RANBP17: variants seen among roughly 807,000 people sequenced by gnomAD.
RANBP17 encodes ran-binding protein 17.
RANBP17 carries 158 observed loss-of-function variants against 141.2 expected under a neutral mutation model. The ratio of observed to expected loss-of-function variants is 1.12; its 90% CI spans 0.98 to 1.28. The LOEUF (loss-of-function observed/expected upper bound fraction) is 1.28. RANBP17 is among the 50% of genes most tolerant of loss of function. RANBP17 has a pLI of 0.00. For missense variants in RANBP17, 1,438 were observed against 1,290.7 expected, an observed-to-expected ratio of 1.11 and a Z score of -1.75; for synonymous variants, 430 against 450.0, an observed-to-expected ratio of 0.96 and a Z score of 0.56.
intron 14 of RANBP17, among the ~76,000 whole-genome samples, chr5:171,099,440 G>A (rs746595130): frequency 4.6e-5 from 7 of 152,100 alleles, no homozygotes; most frequent in Non-Finnish European, 8.8e-5. Flanking sequence ...CGTGATTTTC[G>A]CACGTTGATT....
At chr5:170,919,167 A>G (rs1862239) in intron 10 of RANBP17, among the ~76,000 whole-genome samples, 92,780 of 151,632 alleles carry the variant, frequency 0.61, 29,778 homozygotes, top group South Asian at 0.89. Context: ...TTATAAAACC[A>G]TGTTTTTCAC....
chr5:171,105,102 G>T (rs1004515163), intron 14 of RANBP17, among the ~76,000 whole-genome samples: 1 of 151,948 alleles, frequency 6.6e-6, no homozygotes, highest in Non-Finnish European at 1.5e-5. Flanking sequence ...AAATTTTCCA[G>T]CCGGGCGCGG....
At chr5:171,076,139 G>C (rs1784905917) in intron 14 of RANBP17, among the ~76,000 whole-genome samples, 1 of 152,128 alleles carries the variant, frequency 6.6e-6, no homozygotes, top group Non-Finnish European at 1.5e-5. Flanking sequence ...ACTCTTGTGT[G>C]ATATGTAACC....
At chr5:171,005,920 CA>C (rs201602425) in intron 14 of RANBP17, among the ~76,000 whole-genome samples, 1,768 of 152,238 alleles carry the variant, frequency 0.012, 32 homozygotes, top group African/African-American at 0.041. Context: ...ACAACCCCAT[CA>C]AAAAGTAGGC....
chr5:170,935,766 G>A (rs759533026), intron 12 of RANBP17, among the ~76,000 whole-genome samples: 34 of 152,158 alleles, frequency 2.2e-4, no homozygotes, highest in Admixed American at 2.0e-4. Flanking sequence ...GGAGGCAGTC[G>A]GTCCGTTCTC....
rs1046227435 is a variant in RANBP17, at chr5:171,055,893, A to C, written c.1710+87516A>C. On this transcript the variant is annotated intron_variant, in intron 14 of 27. Coordinates refer to ENST00000523189, the MANE Select transcript of RANBP17 (RefSeq NM_022897.5). ...GTGTCCTGTTGCCAAAAAAAAAAAA[A>C]AAACAAAAAAAAAAACATTCTTATT... is the stretch of plus-strand genomic sequence containing the variant. 1.4e-4 allele frequency among the ~76,000 whole-genome samples: 8 copies of C among 57,274 alleles called. No homozygotes were observed. In the East Asian group the frequency reaches 2.8e-3, roughly 20 times the overall value. The allele number at this position is 57,274 out of a possible 152,430, so 37.6% of individuals were successfully genotyped here.
In RANBP17 at chr5:171,113,453, A is replaced by G. The variant is rs555471976; in HGVS notation, c.1711-56677A>G. Among the ~76,000 whole-genome samples the G allele has an allele frequency of 2.0e-4, 31 of 152,266 alleles. 1 individual carries two copies. The highest frequency in any genetic ancestry group is 3.4e-3 in the Middle Eastern group (1 of 294). Reference sequence around the variant, plus strand: ...AACAGACATGCTCCAGACAAATACCATTAACTCTTATAATGTAATAGATAT... The same window carrying G: ...AACAGACATGCTCCAGACAAATACCGTTAACTCTTATAATGTAATAGATAT... On this transcript the variant is annotated intron_variant, in intron 14 of 27. Coordinates refer to ENST00000523189, the MANE Select transcript of RANBP17 (RefSeq NM_022897.5).
intron 22 of RANBP17, 123 bp downstream of exon 22, chr5:171,221,963 A>G: frequency 3.0e-6 from 2 of 662,670 alleles, no homozygotes; most frequent in South Asian, 4.0e-5. Context: ...AGTCGGTAAT[A>G]CAAGTGCAAA....
At chr5:171,160,832 G>T (rs143631212) in intron 14 of RANBP17, among the ~76,000 whole-genome samples, 1 of 151,894 alleles carries the variant, frequency 6.6e-6, no homozygotes, top group South Asian at 2.1e-4. Flanking sequence ...CACTCTTGTC[G>T]CCCAGGCTAG....
intron 1 of RANBP17, among the ~76,000 whole-genome samples, chr5:170,870,288 G>A (rs1276847398): frequency 6.6e-6 from 1 of 152,092 alleles, no homozygotes; most frequent in African/African-American, 2.4e-5. Flanking sequence ...GTGCCGTGGT[G>A]GTTTGCCGCA....
intron 14 of RANBP17, among the ~76,000 whole-genome samples, chr5:171,070,122 G>C (rs1341426335): frequency 6.6e-6 from 1 of 151,882 alleles, no homozygotes; most frequent in Non-Finnish European, 1.5e-5. Context: ...CCTTTCTATA[G>C]GTCAGACTAA....
chr5:171,282,528 G>T (rs573422087), intron 25 of RANBP17, among the ~76,000 whole-genome samples: 14 of 152,112 alleles, frequency 9.2e-5, no homozygotes, highest in Middle Eastern at 3.4e-3. Flanking sequence ...GCCCAGGCTG[G>T]AGTGCAGTCA....
intron 2 of RANBP17, 98 bp downstream of exon 2, chr5:170,878,341 C>A: frequency 9.7e-7 from 1 of 1,027,766 alleles, no homozygotes; most frequent in Non-Finnish European, 1.3e-6. Flanking sequence ...ATAGATATTG[C>A]CACATGGTTT....
At chr5:171,235,389 GCAAA>G (rs1002257095) in intron 22 of RANBP17, among the ~76,000 whole-genome samples, 14 of 149,954 alleles carry the variant, frequency 9.3e-5, no homozygotes, top group South Asian at 2.1e-4. Flanking sequence ...TGAGCCAATA[GCAAA>G]CAAACAAACA....
intron 14 of RANBP17, among the ~76,000 whole-genome samples, chr5:171,044,390 A>G (rs189802807): frequency 6.6e-6 from 1 of 152,072 alleles, no homozygotes; most frequent in African/African-American, 2.4e-5. Flanking sequence ...AGAATTTTTT[A>G]TGTTGGAAAC....
chr5:170,990,986 T>G (rs1428518648), intron 14 of RANBP17, among the ~76,000 whole-genome samples: 5 of 151,968 alleles, frequency 3.3e-5, no homozygotes, highest in Non-Finnish European at 5.9e-5. Flanking sequence ...CAGAAAATAC[T>G]AATTATGCCT....
intron 22 of RANBP17, among the ~76,000 whole-genome samples, chr5:171,240,027 C>G (rs1271121759): frequency 2.0e-5 from 3 of 152,142 alleles, no homozygotes; most frequent in African/African-American, 4.8e-5. Context: ...TTCTTGTTAG[C>G]TAAGTTGACA....
chr5:170,867,673 G>A lies in RANBP17; in HGVS notation c.18+5622G>A, dbSNP rs370988644. Among the ~76,000 whole-genome samples, 63 of 152,322 alleles carry A rather than the reference G, an allele frequency of 4.1e-4. 1 individual carries two copies. The South Asian group carries it at 0.013, about 31-fold the overall frequency. ...TTAAATTCAATTGAAGAGGATTTTT[G>A]TGGCTTATTAATGTTTTACTATTAG... On this transcript the variant is annotated intron_variant, in intron 1 of 27. Coordinates refer to ENST00000523189, the MANE Select transcript of RANBP17 (RefSeq NM_022897.5).
chr5:171,252,082 A>G (rs1765611245), intron 24 of RANBP17: 5 of 1,599,812 alleles, frequency 3.1e-6, no homozygotes, highest in South Asian at 1.1e-5. Context: ...CTTCCATAGC[A>G]TAGCCACTCA....
Sources: allele counts gnomAD v4.1 joint callset (sites outside exome capture counted in the v4.1 genomes callset), GRCh38; gene constraint gnomAD v4.1.1; transcripts MANE v1.5; gene names NCBI Gene and HGNC (gene_info 2026-07-23, HGNC 2026-07-21).